The following BANK1 variants were observed in gnomAD, a reference collection of about 807,000 sequenced individuals.
BANK1 encodes the protein B cell scaffold protein with ankyrin repeats 1.
BANK1 carries 95 observed loss-of-function variants against 94.5 expected under a neutral mutation model. The ratio of observed to expected loss-of-function variants is 1.00; its 90% CI spans 0.85 to 1.19. The LOEUF is 1.19. Ranked by LOEUF, BANK1 falls within the 50% of genes most tolerant of loss-of-function variation. The pLI is 0.00. For synonymous variants in BANK1, 334 were observed against 308.4 expected, an observed-to-expected ratio of 1.08 and a Z score of -0.87; for missense variants, 987 against 932.2, an observed-to-expected ratio of 1.06 and a Z score of -0.77.
At chr4:101,884,519 G>A (rs1728779776) in intron 5 of BANK1, among the ~76,000 whole-genome samples, 1 of 152,002 alleles carries the variant, frequency 6.6e-6, no homozygotes, top group South Asian at 2.1e-4. Flanking sequence ...TTTATTCCTT[G>A]ATAAATATTC....
chr4:101,880,621 G>GC (rs1728642165), intron 5 of BANK1, among the ~76,000 whole-genome samples: 3 of 151,900 alleles, frequency 2.0e-5, no homozygotes, highest in African/African-American at 7.2e-5. Context: ...AATAGCCAAA[G>GC]CAACTCTAAG....
intron 4 of BANK1, among the ~76,000 whole-genome samples, chr4:101,866,038 A>G (rs1728056953): frequency 6.6e-6 from 1 of 152,152 alleles, no homozygotes; most frequent in African/African-American, 2.4e-5. Flanking sequence ...AGGCATTCCT[A>G]AAGACAAGAT....
chr4:101,996,102 G>T lies in BANK1; in HGVS notation c.1207-25412G>T, dbSNP rs545161312. Among the ~76,000 whole-genome samples, 168 of 152,162 alleles carry T rather than the reference G, an allele frequency of 1.1e-3. 1 individual carries two copies. Among genetic ancestry groups the T allele is most frequent in the African/African-American group, 3.9e-3 (161 of 41,506 alleles). On this transcript the variant is annotated intron_variant, in intron 7 of 16. Transcript: ENST00000322953. ...CTTTAATCCATCTTGTATAATTTTT[G>T]TATAAGGTGTAAGGAAGGGGTCCAG...
At chr4:101,991,456 T>C (rs1274439038) in intron 7 of BANK1, among the ~76,000 whole-genome samples, 1 of 152,256 alleles carries the variant, frequency 6.6e-6, no homozygotes, top group African/African-American at 2.4e-5. Context: ...GTTTGTTTTT[T>C]ACTTTTTACA....
At chr4:101,856,593 A>G (rs553791608) in intron 3 of BANK1, among the ~76,000 whole-genome samples, 2 of 152,348 alleles carry the variant, frequency 1.3e-5, no homozygotes, top group African/African-American at 4.8e-5. Context: ...TTTTAAAAAT[A>G]TCTGCAACAG....
chr4:102,063,818 C>CAAAAA (rs1205075236), intron 13 of BANK1, among the ~76,000 whole-genome samples: 4 of 71,320 alleles, frequency 5.6e-5, no homozygotes, highest in African/African-American at 1.5e-4. Flanking sequence ...GACTCTATCT[C>CAAAAA]AAAAAAAAAA....
At chr4:102,024,488 A>G (rs534273644) in intron 8 of BANK1, among the ~76,000 whole-genome samples, 83 of 152,184 alleles carry the variant, frequency 5.5e-4, no homozygotes, top group Non-Finnish European at 9.7e-4. Flanking sequence ...CATTTACTGT[A>G]TATAATATAA....
At chr4:101,956,994 A>T (rs1486675778) in intron 7 of BANK1, among the ~76,000 whole-genome samples, 1 of 152,182 alleles carries the variant, frequency 6.6e-6, no homozygotes, top group Non-Finnish European at 1.5e-5. Flanking sequence ...CAAAAAGATT[A>T]TGCCCATCAT....
intron 1 of BANK1, among the ~76,000 whole-genome samples, chr4:101,807,658 T>G (rs1450880121): frequency 6.6e-6 from 1 of 152,216 alleles, no homozygotes; most frequent in Non-Finnish European, 1.5e-5. Flanking sequence ...TCTACATGCT[T>G]TATCTTCCTT....
intron 7 of BANK1, among the ~76,000 whole-genome samples, chr4:101,938,617 C>G (rs1723649195): frequency 6.6e-6 from 1 of 151,154 alleles, no homozygotes; most frequent in African/African-American, 2.4e-5. Flanking sequence ...AAAAAGTTAC[C>G]AGGAGAAATA....
chr4:101,876,016 G>A (rs3974650), intron 5 of BANK1, among the ~76,000 whole-genome samples: 2 of 151,888 alleles, frequency 1.3e-5, no homozygotes, highest in Non-Finnish European at 2.9e-5. Flanking sequence ...CTTTAGGAAA[G>A]GAATGGAAGA....
intron 6 of BANK1, among the ~76,000 whole-genome samples, chr4:101,904,172 G>A (rs1722369907): frequency 6.6e-6 from 1 of 152,178 alleles, no homozygotes; most frequent in African/African-American, 2.4e-5. Context: ...TAAAACGATA[G>A]TAAAGAAACA....
intron 5 of BANK1, among the ~76,000 whole-genome samples, chr4:101,891,801 C>T (rs1386975143): frequency 6.6e-6 from 1 of 152,010 alleles, no homozygotes; most frequent in East Asian, 1.9e-4. Context: ...ATTTTGATTA[C>T]TGTATTTTCA....
intron 7 of BANK1, among the ~76,000 whole-genome samples, chr4:101,954,668 A>G (rs1295561828): frequency 6.6e-6 from 1 of 152,154 alleles, no homozygotes; most frequent in Admixed American, 6.6e-5. Context: ...TAGTCATGGA[A>G]TTTTGTGGAT....
At chr4:101,884,066 AT>A (rs1199484484) in intron 5 of BANK1, among the ~76,000 whole-genome samples, 1 of 152,226 alleles carries the variant, frequency 6.6e-6, no homozygotes, top group African/African-American at 2.4e-5. Context: ...TCTCTTTGGA[AT>A]TCTTAAATTA....
At chr4:101,812,880 A>G (rs924101086) in intron 1 of BANK1, among the ~76,000 whole-genome samples, 1 of 152,102 alleles carries the variant, frequency 6.6e-6, no homozygotes, top group African/African-American at 2.4e-5. Context: ...AATTTTTTTA[A>G]CTTTGGCTTT....
intron 2 of BANK1, among the ~76,000 whole-genome samples, chr4:101,840,228 G>A (rs4519797): frequency 0.45 from 67,845 of 150,914 alleles, 16,231 homozygotes; most frequent in African/African-American, 0.63. Context: ...TCGGCCTCCC[G>A]AAGTGCTGGC....
chr4:102,057,091 C>A (rs1213293777), intron 11 of BANK1, among the ~76,000 whole-genome samples: 18 of 152,134 alleles, frequency 1.2e-4, no homozygotes, highest in Admixed American at 1.2e-3. Flanking sequence ...GATGCAGAGG[C>A]CTTACTTGGA....
chr4:101,894,466 C>A (rs1461141452), intron 5 of BANK1, among the ~76,000 whole-genome samples: 2 of 151,698 alleles, frequency 1.3e-5, no homozygotes, highest in South Asian at 2.1e-4. Flanking sequence ...ACAAAAATAT[C>A]TTTTTTTCAG....
Sources: allele counts gnomAD v4.1 joint callset (sites outside exome capture counted in the v4.1 genomes callset), GRCh38; gene constraint gnomAD v4.1.1; transcripts MANE v1.5; gene names NCBI Gene and HGNC (gene_info 2026-07-23, HGNC 2026-07-21).